STX8: variants seen among roughly 807,000 people sequenced by gnomAD.
STX8 encodes syntaxin-8.
Under a neutral mutation model 37.5 loss-of-function variants are expected in STX8, and 23 were observed. The observed-to-expected ratio is 0.61, with a 90% CI of 0.44 to 0.87. The LOEUF (loss-of-function observed/expected upper bound fraction) is 0.87, where lower values mean the gene tolerates loss of function less well. STX8 is among the 40% of genes least tolerant of loss of function. The probability of loss-of-function intolerance (pLI) is 0.00; values close to 1 mark genes in which losing one functional copy is unlikely to be tolerated. For missense variants in STX8, 313 were observed against 284.7 expected (o/e 1.10, Z -0.71); for synonymous variants, 115 against 99.1 (o/e 1.16, Z -0.95).
chr17:9,460,691 AAAC>A (rs1905346539), intron 6 of STX8, among the ~76,000 whole-genome samples: 1 of 131,920 alleles, frequency 7.6e-6, no homozygotes, highest in Non-Finnish European at 1.6e-5. Flanking sequence ...AAAAAAAACA[AAAC>A]AAAACTACTA....
rs752149374 is a variant in STX8, at chr17:9,378,603, G to A, written c.592C>T (p.Arg198Cys). ...ATGTTTACCCGCCTGGTTTCATTGCGAAGTTTTTCATCTGTGTTCTCCACT... is the reference window on the plus strand; with the variant it reads ...ATGTTTACCCGCCTGGTTTCATTGCAAAGTTTTTCATCTGTGTTCTCCACT... ...NLVENTDEKL[R>C]NETRRVNMVD... Residue 198 changes from arginine (R) to cysteine (C), a missense_variant, in exon 7 of 8, where the codon CGC becomes TGC. Coordinates refer to ENST00000306357, the MANE Select transcript of STX8 (RefSeq NM_004853.3). 6.6e-5 allele frequency: 106 copies of A among 1,613,698 alleles called. No individual in the cohort carries two copies. The highest frequency in any genetic ancestry group is 2.7e-4 in the East Asian group (12 of 44,866).
intron 7 of STX8, among the ~76,000 whole-genome samples, chr17:9,260,554 G>A (rs1243619307): frequency 6.6e-6 from 1 of 151,932 alleles, no homozygotes; most frequent in Non-Finnish European, 1.5e-5. Context: ...AACTCGGGAG[G>A]CGGAGGTTGC....
intron 1 of STX8, 75 bp downstream of exon 1, chr17:9,575,717 G>A (rs1907885132): frequency 6.6e-7 from 1 of 1,522,648 alleles, no homozygotes; most frequent in East Asian, 2.5e-5. Flanking sequence ...GCAATGCGAA[G>A]TGATTGCCTG....
chr17:9,341,298 C>T (rs1324187708), intron 7 of STX8, among the ~76,000 whole-genome samples: 3 of 152,090 alleles, frequency 2.0e-5, no homozygotes, highest in Admixed American at 6.6e-5. Context: ...GCCCGCCTGG[C>T]CTCCACAATG....
At chr17:9,391,710 AAG>A (rs1247371565) in intron 6 of STX8, among the ~76,000 whole-genome samples, 2 of 151,794 alleles carry the variant, frequency 1.3e-5, no homozygotes, top group Admixed American at 6.6e-5. Context: ...GTTACAGAAA[AAG>A]AGAGAGAGAA....
At chr17:9,372,725 C>A (rs1473228417) in intron 7 of STX8, among the ~76,000 whole-genome samples, 1 of 151,362 alleles carries the variant, frequency 6.6e-6, no homozygotes, top group African/African-American at 2.4e-5. Context: ...ATCCACCCGC[C>A]TCGGCCTCCC....
intron 7 of STX8, among the ~76,000 whole-genome samples, chr17:9,330,659 GAAC>G (rs1201402163): frequency 3.9e-5 from 6 of 152,186 alleles, no homozygotes; most frequent in Non-Finnish European, 7.3e-5. Flanking sequence ...TCACGTTTAC[GAAC>G]AACAAGGGAT....
chr17:9,421,869 C>G (rs779333375), intron 6 of STX8, among the ~76,000 whole-genome samples: 32 of 152,110 alleles, frequency 2.1e-4, no homozygotes, highest in Middle Eastern at 6.8e-3. Flanking sequence ...GTGAACTTCC[C>G]CCATGCTGTT....
At position 9,302,146 on chromosome 17, in the gene STX8, T is replaced by C. The variant is rs543758037; in HGVS notation, c.644-51501A>G. ...CCATTTATGTTCTCTAATTACTCTT[T>C]AAACTATTTTGGGAACTTGAAGTTT... On this transcript the variant is annotated intron_variant, in intron 7 of 7. Transcript: ENST00000306357. 3.9e-5 allele frequency among the ~76,000 whole-genome samples: 6 copies of C among 152,318 alleles called. No homozygotes were observed. The East Asian group carries it at 9.6e-4, about 24-fold the overall frequency.
chr17:9,374,791 C>T (rs751856026), intron 7 of STX8, among the ~76,000 whole-genome samples: 78 of 151,992 alleles, frequency 5.1e-4, no homozygotes, highest in South Asian at 1.2e-3. Context: ...AGGTTGGGCG[C>T]GGTGGCTCAC....
chr17:9,426,947 C>T (rs373634511), intron 6 of STX8, among the ~76,000 whole-genome samples: 102 of 152,148 alleles, frequency 6.7e-4, no homozygotes, highest in African/African-American at 2.3e-3. Context: ...GTATCTCTTA[C>T]TAGTTAAGAG....
intron 4 of STX8, among the ~76,000 whole-genome samples, chr17:9,535,988 T>C (rs1413132578): frequency 6.6e-6 from 1 of 152,200 alleles, no homozygotes; most frequent in Non-Finnish European, 1.5e-5. Flanking sequence ...ATGCTATGTA[T>C]GATATGTTAC....
rs899229350 is a variant in STX8 at position 9,288,381 on chromosome 17, G to A, written c.644-37736C>T. On this transcript the variant is annotated intron_variant, in intron 7 of 7. Transcript: ENST00000306357. ...CAGCAGCTATAAAGAATTTCAATGG[G>A]CCGGGCGCGGTGGCTCACGCCTGTA... 2.6e-5 allele frequency among the ~76,000 whole-genome samples: 4 copies of A among 152,076 alleles called. 1 individual carries two copies. In the East Asian group the frequency reaches 5.8e-4, roughly 22 times the overall value.
chr17:9,431,189 G>A (rs868546256), intron 6 of STX8, among the ~76,000 whole-genome samples: 2 of 150,520 alleles, frequency 1.3e-5, no homozygotes, highest in Non-Finnish European at 3.0e-5. Context: ...ATGAGTTGCT[G>A]AGCATCTCAT....
At chr17:9,301,909 T>C (rs1462108724) in intron 7 of STX8, among the ~76,000 whole-genome samples, 1 of 152,228 alleles carries the variant, frequency 6.6e-6, no homozygotes, top group African/African-American at 2.4e-5. Context: ...AATGTTATCT[T>C]TGTTGGGTAT....
chr17:9,459,300 C>A (rs574433003), intron 6 of STX8, among the ~76,000 whole-genome samples: 8 of 152,116 alleles, frequency 5.3e-5, no homozygotes, highest in African/African-American at 1.7e-4. Context: ...GGACGAGGGC[C>A]CCCATGGAAG....
At chr17:9,367,828 T>G (rs1422663972) in intron 7 of STX8, among the ~76,000 whole-genome samples, 1 of 152,104 alleles carries the variant, frequency 6.6e-6, no homozygotes, top group East Asian at 1.9e-4. Flanking sequence ...CCTTCTGGGT[T>G]CAAGCAATTC....
chr17:9,534,181 C>A (rs954551101), intron 4 of STX8, among the ~76,000 whole-genome samples: 1 of 117,700 alleles, frequency 8.5e-6, no homozygotes, highest in Non-Finnish European at 2.0e-5. Context: ...TGATAGTTTT[C>A]ATATAAACAA....
intron 4 of STX8, among the ~76,000 whole-genome samples, chr17:9,517,343 GAATT>G (rs1390085152): frequency 5.9e-5 from 9 of 152,080 alleles, no homozygotes; most frequent in Admixed American, 2.6e-4. Context: ...GAAAAACATG[GAATT>G]AATTATTTTT....
Sources: allele counts gnomAD v4.1 joint callset (sites outside exome capture counted in the v4.1 genomes callset), GRCh38; gene constraint gnomAD v4.1.1; transcripts MANE v1.5; gene names NCBI Gene and HGNC (gene_info 2026-07-23, HGNC 2026-07-21).